ZBTB48: variants seen among roughly 807,000 people sequenced by gnomAD.
The protein encoded by ZBTB48 is zinc finger and BTB domain containing 48, also known as zinc finger and BTB domain-containing protein 48.
Under a neutral mutation model 64.5 loss-of-function variants are expected in ZBTB48, and 35 were observed. The ratio of observed to expected loss-of-function variants is 0.54; its 90% CI spans 0.41 to 0.72. The LOEUF (loss-of-function observed/expected upper bound fraction) is 0.72, where lower values mean the gene tolerates loss of function less well. Among genes scored for constraint, ZBTB48 ranks in the 30% least tolerant of loss-of-function variants. The pLI, the probability that ZBTB48 is intolerant of heterozygous loss-of-function variation, is 0.00. For missense variants in ZBTB48, 828 were observed against 895.3 expected (o/e 0.92, Z 0.96); for synonymous variants, 442 against 356.7 (o/e 1.24, Z -2.70).
At position 6,582,186 on chromosome 1, in the gene ZBTB48, G is replaced by A. The variant is rs749707427; in HGVS notation, c.819G>A (p.Ala273=). The A allele has an allele frequency of 1.4e-5, 22 of 1,614,094 alleles. No homozygotes were observed. Among genetic ancestry groups the A allele is most frequent in the South Asian group, 9.9e-5 (9 of 91,092 alleles). The change falls in exon 3 of 11, where the codon GCG becomes GCA. Residue 273 remains alanine (A), a synonymous_variant. Coordinates refer to ENST00000377674, the MANE Select transcript of ZBTB48 (RefSeq NM_005341.4). Reference sequence around the variant, plus strand: ...GTGCAGCTGAGCCAGCCCTGAGCGCGGGCTCCCTAGCAGCTGAGCCTGCTG... The same window carrying A: ...GTGCAGCTGAGCCAGCCCTGAGCGCAGGCTCCCTAGCAGCTGAGCCTGCTG... The part of the protein sequence containing the change: ...KPCAAEPALS[A]GSLAAEPAEN...
chr1:6,580,285 C>T lies in ZBTB48; in HGVS notation c.-70+149C>T. Reference sequence around the variant, plus strand: ...CGCCGTCCGGGATCCTCTCACTGTGCCGGGCCAGTCCGTTCGCTCTCATCC... The same window carrying T: ...CGCCGTCCGGGATCCTCTCACTGTGTCGGGCCAGTCCGTTCGCTCTCATCC... On this transcript the variant is annotated intron_variant, in intron 1 of 10. Transcript: ENST00000377674. The surrounding 1 kb of genome is among the most constrained non-coding windows in gnomAD (Gnocchi z 5.2). 1 of 303,142 alleles carries T rather than the reference C, an allele frequency of 3.3e-6. No homozygotes were observed. Among genetic ancestry groups the T allele is most frequent in the Non-Finnish European group, 6.3e-6 (1 of 159,622 alleles). 18.8% of individuals were successfully genotyped at this position (303,142 alleles called of 1,614,324 possible).
At chr1:6,588,015 A>G in intron 7 of ZBTB48, 45 bp from the exon 8 acceptor site, 2 of 1,610,546 alleles carry the variant, frequency 1.2e-6, no homozygotes, top group Non-Finnish European at 1.7e-6. Context: ...CAAGGGGGTC[A>G]CTTCCCTTGG....
At chr1:6,588,510 G>A (rs1640762590) in intron 9 of ZBTB48, 68 bp downstream of exon 9, 34 of 1,454,236 alleles carry the variant, frequency 2.3e-5, no homozygotes, top group South Asian at 2.9e-5. Flanking sequence ...AGGAGGAAAC[G>A]CTCCTTTCTT....
Position 6,586,623 on chromosome 1 carries a change from C to A in ZBTB48, c.1045-72C>A, listed in dbSNP as rs1034823732. The A allele has an allele frequency of 2.1e-6, 3 of 1,454,390 alleles. No individual in the cohort carries two copies. In the African/African-American group the frequency reaches 4.3e-5, roughly 21 times the overall value. 90.1% of individuals were successfully genotyped at this position (1,454,390 alleles called of 1,614,324 possible). A position where few individuals can be genotyped will look rare whatever the true frequency, so the allele number is the denominator to read the frequency against. ...GACTCTTCCCAGCAGCAAGCGGAAGCCCGGGCAGAGGCTGCTGTCATAGGC... is the reference window on the plus strand; with the variant it reads ...GACTCTTCCCAGCAGCAAGCGGAAGACCGGGCAGAGGCTGCTGTCATAGGC... On this transcript the variant is annotated intron_variant, in intron 4 of 10. Transcript: ENST00000377674.
intron 9 of ZBTB48, 113 bp from the exon 10 acceptor site, chr1:6,588,643 G>C: frequency 6.7e-7 from 1 of 1,503,218 alleles, no homozygotes; most frequent in Non-Finnish European, 9.0e-7. Flanking sequence ...GGCCTGTGCA[G>C]CACTTGTAAA....
At chr1:6,581,426 C>T (rs1570155790) in intron 2 of ZBTB48, 127 bp downstream of exon 2, 1 of 1,080,888 alleles carries the variant, frequency 9.3e-7, no homozygotes, top group South Asian at 1.8e-5. Context: ...CTTTGGGAGG[C>T]CAAGGGGGGT....
intron 5 of ZBTB48, 118 bp downstream of exon 5, chr1:6,586,905 CTTCCCT>C: frequency 8.6e-6 from 1 of 115,658 alleles, no homozygotes; most frequent in Non-Finnish European, 1.4e-5. Context: ...GGGAGCCTGC[CTTCCCT>C]GCCTTCCCTG....
At position 6,581,150 on chromosome 1, in the gene ZBTB48, G is replaced by A. The variant is rs777613653; in HGVS notation, c.541G>A (p.Ala181Thr). 2.5e-6 allele frequency: 4 copies of A among 1,613,506 alleles called. No homozygotes were observed. In the African/African-American group the frequency reaches 4.0e-5, roughly 16 times the overall value. The change falls in exon 2 of 11, where the codon GCT (alanine) becomes ACT (threonine). Residue 181 changes from alanine to threonine, a missense_variant. Coordinates refer to ENST00000377674, the MANE Select transcript of ZBTB48 (RefSeq NM_005341.4). Reference protein sequence around the residue: ...SPQRPQLHSPAQSEGPSSLCG... With the variant: ...SPQRPQLHSPTQSEGPSSLCG... ...TCAGAGGCCCCAGCTCCATTCCCCA[G>A]CTCAGAGTGAGGGCCCCTCCTCCCT...
chr1:6,585,140 C>G (rs1640612709), intron 3 of ZBTB48, among the ~76,000 whole-genome samples: 1 of 152,024 alleles, frequency 6.6e-6, no homozygotes, highest in South Asian at 2.1e-4. Flanking sequence ...TCTCTAGAGT[C>G]TTACTGAGAA....
At chr1:6,581,547 C>T (rs771798307) in intron 2 of ZBTB48, among the ~76,000 whole-genome samples, 1 of 151,854 alleles carries the variant, frequency 6.6e-6, no homozygotes, top group Non-Finnish European at 1.5e-5. Context: ...ACCTGTAGTC[C>T]TAGCTACTCA....
chr1:6,580,520 G>A lies in ZBTB48; in HGVS notation c.-69-21G>A, dbSNP rs1246443357. 13 of 1,395,004 alleles carry A rather than the reference G, an allele frequency of 9.3e-6. No homozygotes were observed. Among genetic ancestry groups the A allele is most frequent in the Non-Finnish European group, 1.3e-5 (13 of 1,026,816 alleles). The allele number at this position is 1,395,004 out of a possible 1,614,324, so 86.4% of individuals were successfully genotyped here. ...TTATTTGAGTAGAGGCCAACTTCCC[G>A]TTTCTCTCTCTTGACTCCAGGAGCT... On this transcript the variant is annotated intron_variant, in intron 1 of 10. Transcript: ENST00000377674. This position sits in a 1 kb window ranked among gnomAD's most constrained non-coding sequence, Gnocchi z 5.2.
chr1:6,588,571 G>A, intron 9 of ZBTB48, 129 bp downstream of exon 9: 6 of 1,443,298 alleles, frequency 4.2e-6, no homozygotes, highest in Non-Finnish European at 5.5e-6. Context: ...GAGTGGACCT[G>A]CTTTGAAGGC....
chr1:6,582,005 C>A, intron 2 of ZBTB48, 53 bp from the exon 3 acceptor site: 2 of 1,602,374 alleles, frequency 1.2e-6, no homozygotes, highest in Non-Finnish European at 1.7e-6. Flanking sequence ...CCCTACAACT[C>A]CTGCTGATTC....
chr1:6,589,001 A>C lies in ZBTB48; in HGVS notation c.1856A>C (p.Glu619Ala), dbSNP rs1340652030. 5 of 1,596,612 alleles carry C rather than the reference A, an allele frequency of 3.1e-6. No homozygotes were observed. The highest frequency in any genetic ancestry group is 3.4e-6 in the Non-Finnish European group (4 of 1,169,894). ...CGCAAGCTCCGCAACCTGATCATCG[A>C]GGACGAGAAGATGGTGGTGGTGGCG... ...RQRKLRNLII[E>A]DEKMVVVALQ... The change falls in exon 11 of 11, where the codon GAG (glutamate) becomes GCG (alanine). Residue 619 changes from glutamate (E) to alanine (A), a missense_variant. Physicochemically the swap from Glu to Ala is moderately radical, Grantham distance 107 (BLOSUM62 -1). Transcript: ENST00000377674.
At position 6,587,986 on chromosome 1, in the gene ZBTB48, G is replaced by A. The variant is rs371060642; in HGVS notation, c.1380-74G>A. ...CCCAAGCCCTCTTTCCACCAGGCAT[G>A]CTCCTAGCTGTAGCAGAGCAAGGGG... On this transcript the variant is annotated intron_variant, in intron 7 of 10. Coordinates refer to ENST00000377674, the MANE Select transcript of ZBTB48 (RefSeq NM_005341.4). The A allele has an allele frequency of 1.6e-4, 251 of 1,583,284 alleles. 1 individual carries two copies. The South Asian group carries it at 2.9e-3, about 18-fold the overall frequency.
Position 6,587,266 on chromosome 1 carries a change from T to A in ZBTB48, c.1199T>A (p.Leu400His), listed in dbSNP as rs1159914026. The A allele has an allele frequency of 1.2e-6, 2 of 1,614,050 alleles. No individual in the cohort carries two copies. Among genetic ancestry groups the A allele is most frequent in the East Asian group, 4.5e-5 (2 of 44,862 alleles). Residue 400 changes from leucine to histidine, a missense_variant, in exon 6 of 11, where the codon CTT becomes CAT. By Grantham distance (99) the Leu-to-His change is moderately conservative. Transcript: ENST00000377674. Reference sequence around the variant, plus strand: ...GACTTGCAGAGCCACATGATCAAACTTCATGGAGCCCCCAAGCCCCATGCA... The same window carrying A: ...GACTTGCAGAGCCACATGATCAAACATCATGGAGCCCCCAAGCCCCATGCA... ...KKDLQSHMIK[L>H]HGAPKPHACP...
In ZBTB48 at chr1:6,587,673, C is replaced by T. The variant is rs781168159; in HGVS notation, c.1379+41C>T. The T allele has an allele frequency of 6.2e-6, 10 of 1,607,566 alleles. No individual in the cohort carries two copies. In the East Asian group the frequency reaches 6.7e-5, roughly 11 times the overall value. Reference sequence around the variant, plus strand: ...TCTCTCTTGGGGCCCAGTCCTGCTGCCAGCCCAGGCTTGCACCGGCAGGGA... The same window carrying T: ...TCTCTCTTGGGGCCCAGTCCTGCTGTCAGCCCAGGCTTGCACCGGCAGGGA... On this transcript the variant is annotated intron_variant, in intron 7 of 10. Transcript: ENST00000377674.
chr1:6,587,937 G>T, intron 7 of ZBTB48, 123 bp from the exon 8 acceptor site: 1 of 1,359,024 alleles, frequency 7.4e-7, no homozygotes, highest in Non-Finnish European at 1.0e-6. Context: ...TCGGGGTGGA[G>T]GTGGTGCCCC....
chr1:6,583,747 C>T (rs1397917993), intron 3 of ZBTB48, among the ~76,000 whole-genome samples: 1 of 149,770 alleles, frequency 6.7e-6, no homozygotes, highest in Non-Finnish European at 1.5e-5. Flanking sequence ...ACTACAGGTG[C>T]GCACCACTAC....
Sources: allele counts gnomAD v4.1 joint callset (sites outside exome capture counted in the v4.1 genomes callset), GRCh38; gene constraint gnomAD v4.1.1; non-coding constraint Gnocchi (gnomAD v3.1); transcripts MANE v1.5; gene names NCBI Gene and HGNC (gene_info 2026-07-23, HGNC 2026-07-21).